Variants in MAP4K4 observed in about 807,000 individuals in gnomAD.
The protein encoded by MAP4K4 is mitogen-activated protein kinase kinase kinase kinase 4, also known as HPK/GCK-like kinase HGK.
MAP4K4 carries 38 observed loss-of-function variants against 189.6 expected under a neutral mutation model. The observed-to-expected ratio is 0.20, with a 90% CI of 0.15 to 0.26. The LOEUF is 0.26. Among genes scored for constraint, MAP4K4 ranks in the 10% least tolerant of loss-of-function variants. MAP4K4 has a pLI of 1.00. For synonymous variants in MAP4K4, 610 were observed against 624.3 expected (o/e 0.98, Z 0.34); for missense variants, 1,054 against 1,726.9 (o/e 0.61, Z 6.91).
intron 21 of MAP4K4, among the ~76,000 whole-genome samples, chr2:101,869,265 T>G (rs553167167): frequency 2.9e-4 from 44 of 152,094 alleles, no homozygotes; most frequent in African/African-American, 1.0e-3. Context: ...TACAACAAAG[T>G]CCAAGAGTCT....
At chr2:101,852,010 C>T (rs2097301653) in intron 12 of MAP4K4, among the ~76,000 whole-genome samples, 1 of 151,820 alleles carries the variant, frequency 6.6e-6, no homozygotes, top group African/African-American at 2.4e-5. Context: ...AAAGGAAGGG[C>T]TCATTCAAAT....
intron 2 of MAP4K4, among the ~76,000 whole-genome samples, chr2:101,743,443 C>T (rs2063733980): frequency 6.6e-6 from 1 of 151,614 alleles, no homozygotes. Context: ...AAGGCCCTGA[C>T]TGTCAGTAAC....
chr2:101,870,295 G>T, exon 23 of MAP4K4: 2 of 1,612,364 alleles, frequency 1.2e-6, no homozygotes, highest in Non-Finnish European at 1.7e-6. Flanking sequence ...TTCTCCATAG[G>T]TCATCTCTGA....
At chr2:101,850,125 T>A (rs2097235677) in intron 12 of MAP4K4, among the ~76,000 whole-genome samples, 1 of 152,126 alleles carries the variant, frequency 6.6e-6, no homozygotes, top group African/African-American at 2.4e-5. Flanking sequence ...TAAATGTTAG[T>A]GTGAGCATCA....
At chr2:101,771,125 C>T (rs1046940345) in intron 2 of MAP4K4, among the ~76,000 whole-genome samples, 1 of 152,194 alleles carries the variant, frequency 6.6e-6, no homozygotes, top group Admixed American at 6.5e-5. Flanking sequence ...TTGATTTTAT[C>T]ATACTGAGCT....
At chr2:101,760,004 T>G (rs1418728725) in intron 2 of MAP4K4, among the ~76,000 whole-genome samples, 1 of 151,648 alleles carries the variant, frequency 6.6e-6, no homozygotes, top group African/African-American at 2.4e-5. Context: ...CCACCACACC[T>G]GGCTAATTTT....
chr2:101,881,962 C>G (rs1372502370), intron 27 of MAP4K4, among the ~76,000 whole-genome samples: 1 of 152,184 alleles, frequency 6.6e-6, no homozygotes, highest in East Asian at 1.9e-4. Flanking sequence ...CTATTAGGAA[C>G]CATGCTGCTA....
At chr2:101,729,061 A>C (rs1261144105) in intron 2 of MAP4K4, among the ~76,000 whole-genome samples, 1 of 148,142 alleles carries the variant, frequency 6.8e-6, no homozygotes, top group African/African-American at 2.5e-5. Flanking sequence ...TATGGCTCAG[A>C]AAATGATTAG....
intron 3 of MAP4K4, among the ~76,000 whole-genome samples, chr2:101,823,382 G>T (rs1199959111): frequency 1.3e-5 from 2 of 152,176 alleles, no homozygotes; most frequent in African/African-American, 4.8e-5. Flanking sequence ...GTGGATTCTC[G>T]CTGAGCACAC....
chr2:101,761,907 G>A (rs893898922), intron 2 of MAP4K4, among the ~76,000 whole-genome samples: 4 of 152,086 alleles, frequency 2.6e-5, no homozygotes, highest in Admixed American at 1.3e-4. Context: ...CACCCTCACC[G>A]AGCTACATTC....
At chr2:101,862,936 A>G (rs2149890068) in intron 16 of MAP4K4, among the ~76,000 whole-genome samples, 1 of 152,362 alleles carries the variant, frequency 6.6e-6, no homozygotes, top group East Asian at 1.9e-4. Flanking sequence ...TGTAATAGAT[A>G]TGTAGCTATC....
chr2:101,823,730 A>G (rs148413831), intron 3 of MAP4K4, among the ~76,000 whole-genome samples, 198 bp from the exon 4 acceptor site: 154 of 152,202 alleles, frequency 1.0e-3, no homozygotes, highest in African/African-American at 3.6e-3. Context: ...CCTATGCATC[A>G]CGTCCTATAA....
chr2:101,870,031 G>GAT, intron 22 of MAP4K4: 2 of 631,620 alleles, frequency 3.2e-6, no homozygotes, highest in Non-Finnish European at 5.3e-6. Flanking sequence ...TTGATTTGAG[G>GAT]ATATATGATC....
intron 2 of MAP4K4, among the ~76,000 whole-genome samples, chr2:101,729,254 C>CTGTTT (rs1553513024): frequency 6.6e-6 from 1 of 151,378 alleles, no homozygotes; most frequent in Non-Finnish European, 1.5e-5. Context: ...TGCTTACAGT[C>CTGTTT]TCTTTTATTT....
chr2:101,791,452 T>C (rs2092872095), intron 3 of MAP4K4, among the ~76,000 whole-genome samples: 1 of 152,078 alleles, frequency 6.6e-6, no homozygotes, highest in Non-Finnish European at 1.5e-5. Context: ...AGTAATATAT[T>C]ATAATGAACT....
chr2:101,791,641 T>G (rs563602991), intron 3 of MAP4K4, among the ~76,000 whole-genome samples: 2 of 152,206 alleles, frequency 1.3e-5, no homozygotes, highest in Non-Finnish European at 2.9e-5. Context: ...TCCCCAAGTC[T>G]GGGGTCTGTC....
At chr2:101,892,883 T>A (rs2098589980) in exon 33 of MAP4K4, 1 of 456,378 alleles carries the variant, frequency 2.2e-6, no homozygotes, top group Non-Finnish European at 4.4e-6. Context: ...GGACTCCATG[T>A]CACAGTCCTG....
At chr2:101,750,539 T>C (rs1038295354) in intron 2 of MAP4K4, among the ~76,000 whole-genome samples, 6 of 146,376 alleles carry the variant, frequency 4.1e-5, no homozygotes, top group African/African-American at 1.3e-4. Context: ...AGGGATAGCA[T>C]TGGGAGATAT....
intron 3 of MAP4K4, among the ~76,000 whole-genome samples, chr2:101,792,609 C>CCTT (rs1383928107): frequency 1.3e-5 from 2 of 148,902 alleles, no homozygotes; most frequent in Non-Finnish European, 3.0e-5. Flanking sequence ...TCCTCCTCCT[C>CCTT]CTCCTCCTCC....
Sources: allele counts gnomAD v4.1 joint callset (sites outside exome capture counted in the v4.1 genomes callset), GRCh38; gene constraint gnomAD v4.1.1; transcripts MANE v1.5; gene names NCBI Gene and HGNC (gene_info 2026-07-23, HGNC 2026-07-21).